The following HACE1 variants were observed in gnomAD, a reference collection of about 807,000 sequenced individuals.
HACE1 encodes the protein HECT domain and ankyrin repeat containing E3 ubiquitin protein ligase 1, also known as E3 ubiquitin-protein ligase HACE1.
Under a neutral mutation model 118.4 loss-of-function variants are expected in HACE1, and 73 were observed. The ratio of observed to expected loss-of-function variants is 0.62; its 90% CI spans 0.51 to 0.75. The LOEUF (loss-of-function observed/expected upper bound fraction) is 0.75, where lower values mean the gene tolerates loss of function less well. Among genes scored for constraint, HACE1 ranks in the 30% least tolerant of loss-of-function variants. The pLI, the probability that HACE1 is intolerant of heterozygous loss-of-function variation, is 0.00. For missense variants in HACE1, 749 were observed against 1,102.2 expected, an observed-to-expected ratio of 0.68 and a Z score of 4.54; for synonymous variants, 368 against 374.8, an observed-to-expected ratio of 0.98 and a Z score of 0.21.
intron 7 of HACE1, among the ~76,000 whole-genome samples, chr6:104,805,540 T>A (rs1770897589): frequency 6.6e-6 from 1 of 152,154 alleles, no homozygotes; most frequent in African/African-American, 2.4e-5. Flanking sequence ...AAGGAGGAGT[T>A]CATGTCCTTT....
chr6:104,859,825 G>A lies in HACE1; in HGVS notation c.-183C>T, dbSNP rs1235605748. On this transcript the variant is annotated 5_prime_UTR_variant, in exon 1 of 24. Transcript: ENST00000262903. ...TGCGTCCGGGGGCCGGGCTGCTGCCGGACCGACCACCTACAGTACACCCGC... is the reference window on the plus strand; with the variant it reads ...TGCGTCCGGGGGCCGGGCTGCTGCCAGACCGACCACCTACAGTACACCCGC... 7.1e-6 allele frequency: 4 copies of A among 563,622 alleles called. No individual in the cohort carries two copies. Among genetic ancestry groups the A allele is most frequent in the East Asian group, 3.4e-5 (1 of 29,154 alleles). The allele number at this position is 563,622 out of a possible 1,614,324, so 34.9% of individuals were successfully genotyped here.
chr6:104,820,669 T>C (rs1318368385), intron 6 of HACE1, among the ~76,000 whole-genome samples: 2 of 152,064 alleles, frequency 1.3e-5, no homozygotes, highest in African/African-American at 4.8e-5. Flanking sequence ...GAATGGATAT[T>C]ATTAAAAAGT....
At chr6:104,746,476 C>A (rs1472953750) in intron 20 of HACE1, among the ~76,000 whole-genome samples, 2 of 152,200 alleles carry the variant, frequency 1.3e-5, no homozygotes, top group Non-Finnish European at 2.9e-5. Flanking sequence ...GGCAGTTAGT[C>A]TGGAGGTGAG....
chr6:104,847,596 CTG>C (rs1775782709), intron 4 of HACE1, among the ~76,000 whole-genome samples: 1 of 152,178 alleles, frequency 6.6e-6, no homozygotes, highest in African/African-American at 2.4e-5. Context: ...AACACTATTG[CTG>C]TCTTTTTTGC....
chr6:104,825,757 C>T (rs1283108427), intron 6 of HACE1, among the ~76,000 whole-genome samples: 2 of 152,174 alleles, frequency 1.3e-5, no homozygotes, highest in Non-Finnish European at 2.9e-5. Context: ...CCAATTCCCA[C>T]CCTGTGGAGT....
At chr6:104,794,111 G>A (rs976435294) in intron 10 of HACE1, among the ~76,000 whole-genome samples, 8 of 152,006 alleles carry the variant, frequency 5.3e-5, no homozygotes, top group African/African-American at 1.4e-4. Flanking sequence ...TATTAGCTTG[G>A]CAAATCATTT....
At chr6:104,794,896 T>C (rs1783447062) in intron 10 of HACE1, among the ~76,000 whole-genome samples, 1 of 150,788 alleles carries the variant, frequency 6.6e-6, no homozygotes, top group Non-Finnish European at 1.5e-5. Context: ...CGAGACTCTG[T>C]CTCAAAAAAA....
chr6:104,845,600 C>T (rs974500860), intron 4 of HACE1, among the ~76,000 whole-genome samples: 1 of 151,528 alleles, frequency 6.6e-6, no homozygotes, highest in African/African-American at 2.4e-5. Flanking sequence ...GCCTCAGCCT[C>T]CTGAGTAGCT....
intron 22 of HACE1, among the ~76,000 whole-genome samples, chr6:104,734,484 G>A (rs983728287): frequency 1.1e-4 from 16 of 152,032 alleles, no homozygotes; most frequent in Non-Finnish European, 2.2e-4. Context: ...ACTAATGACT[G>A]GGAGTTCGAG....
chr6:104,763,922 C>A (rs1294054305), intron 19 of HACE1, among the ~76,000 whole-genome samples: 1 of 151,956 alleles, frequency 6.6e-6, no homozygotes, highest in Non-Finnish European at 1.5e-5. Flanking sequence ...TGGTGGTAGG[C>A]GCCTGTAATC....
chr6:104,807,269 G>A (rs1022177923), intron 7 of HACE1, among the ~76,000 whole-genome samples: 2 of 151,958 alleles, frequency 1.3e-5, no homozygotes, highest in South Asian at 2.1e-4. Flanking sequence ...TGATCCACCC[G>A]CCTCAGCCTC....
At position 104,859,699 on chromosome 6, in the gene HACE1, G is replaced by C. The variant is rs1293373868; in HGVS notation, c.-57C>G. 1.4e-6 allele frequency: 2 copies of C among 1,440,298 alleles called. No homozygotes were observed. The highest frequency in any genetic ancestry group is 1.5e-5 in the African/African-American group (1 of 68,552). 89.2% of individuals were successfully genotyped at this position (1,440,298 alleles called of 1,614,324 possible). A position where few individuals can be genotyped will look rare whatever the true frequency, so the allele number is the denominator to read the frequency against. ...CAGCCGCCCCACCGGCGGCCTCCGCGCCCAGAGCCCTACATCTCGCCTGGG... is the reference window on the plus strand; with the variant it reads ...CAGCCGCCCCACCGGCGGCCTCCGCCCCCAGAGCCCTACATCTCGCCTGGG... On this transcript the variant is annotated 5_prime_UTR_variant, in exon 1 of 24. Coordinates refer to ENST00000262903, the MANE Select transcript of HACE1 (RefSeq NM_020771.4).
intron 17 of HACE1, among the ~76,000 whole-genome samples, chr6:104,772,544 CTA>C (rs768315293): frequency 1.3e-5 from 2 of 152,130 alleles, no homozygotes; most frequent in Non-Finnish European, 2.9e-5. Flanking sequence ...GAGTAGAACA[CTA>C]TGAGAATAAC....
At chr6:104,733,060 G>A (rs992465093) in intron 22 of HACE1, among the ~76,000 whole-genome samples, 2 of 152,080 alleles carry the variant, frequency 1.3e-5, no homozygotes, top group Non-Finnish European at 2.9e-5. Flanking sequence ...TTTAACTTTT[G>A]CCTAAAAAAT....
At chr6:104,818,018 T>C (rs1772296770) in intron 6 of HACE1, among the ~76,000 whole-genome samples, 1 of 152,146 alleles carries the variant, frequency 6.6e-6, no homozygotes, top group Non-Finnish European at 1.5e-5. Flanking sequence ...GGAAGGGTGG[T>C]TTAAGGGACT....
At chr6:104,740,669 TAG>T (rs1223154309) in intron 22 of HACE1, among the ~76,000 whole-genome samples, 1 of 149,500 alleles carries the variant, frequency 6.7e-6, no homozygotes, top group Non-Finnish European at 1.5e-5. Flanking sequence ...CAATAATCAA[TAG>T]CTTACCAACC....
chr6:104,739,641 A>C (rs940449639), intron 22 of HACE1, among the ~76,000 whole-genome samples: 1 of 152,040 alleles, frequency 6.6e-6, no homozygotes, highest in African/African-American at 2.4e-5. Context: ...TATGCACCCA[A>C]TACAGGAACA....
intron 14 of HACE1, among the ~76,000 whole-genome samples, chr6:104,780,639 C>T (rs1202567074): frequency 6.6e-6 from 1 of 152,050 alleles, no homozygotes; most frequent in East Asian, 1.9e-4. Context: ...CCCCTATAAA[C>T]ACTTAGGCAT....
intron 20 of HACE1, among the ~76,000 whole-genome samples, chr6:104,747,195 A>C (rs1285332622): frequency 6.6e-6 from 1 of 152,190 alleles, no homozygotes; most frequent in Non-Finnish European, 1.5e-5. Flanking sequence ...TATAACTCAT[A>C]CTAATAGTTA....
Sources: gnomAD v4.1 joint callset for allele counts (sites outside exome capture counted in the v4.1 genomes callset) on GRCh38, gnomAD v4.1.1 for gene constraint, MANE v1.5 for transcripts, NCBI Gene and HGNC (gene_info 2026-07-23, HGNC 2026-07-21) for gene names.